The following ITSN1 variants were observed in gnomAD, a reference collection of about 807,000 sequenced individuals.
ITSN1 encodes intersectin 1.
Under a neutral mutation model 239.8 loss-of-function variants are expected in ITSN1, and 58 were observed. The ratio of observed to expected loss-of-function variants is 0.24; its 90% CI spans 0.20 to 0.30. The LOEUF is 0.30. ITSN1 is among the 10% of genes least tolerant of loss of function. ITSN1 has a pLI of 1.00. For missense variants in ITSN1, 1,558 were observed against 2,103.3 expected, an observed-to-expected ratio of 0.74 and a Z score of 5.07; for synonymous variants, 780 against 770.8, an observed-to-expected ratio of 1.01 and a Z score of -0.20.
chr21:33,788,364 T>A (rs1220733011), intron 16 of ITSN1, among the ~76,000 whole-genome samples: 3 of 152,268 alleles, frequency 2.0e-5, no homozygotes. Flanking sequence ...AGTCTTATTA[T>A]TTTGTTAAAT....
intron 1 of ITSN1, among the ~76,000 whole-genome samples, chr21:33,643,212 C>T: frequency 6.6e-6 from 1 of 151,850 alleles, no homozygotes; most frequent in Non-Finnish European, 1.5e-5. Flanking sequence ...CGGCCCCTCG[C>T]TCGCAAGCCT....
chr21:33,649,873 G>A (rs975917862), intron 1 of ITSN1, among the ~76,000 whole-genome samples: 3 of 151,870 alleles, frequency 2.0e-5, no homozygotes, highest in South Asian at 2.1e-4. Context: ...AAAATTAGGC[G>A]GGCGTGGTGG....
intron 1 of ITSN1, among the ~76,000 whole-genome samples, chr21:33,668,151 T>A (rs766048778): frequency 3.5e-4 from 53 of 152,356 alleles, no homozygotes; most frequent in Non-Finnish European, 6.5e-4. Context: ...CCAACCTCTT[T>A]ACTTGAGTCT....
chr21:33,816,475 C>T (rs945656709), intron 22 of ITSN1, among the ~76,000 whole-genome samples: 7 of 152,092 alleles, frequency 4.6e-5, no homozygotes, highest in East Asian at 1.9e-4. Flanking sequence ...ATGTGGAAAT[C>T]GAGATTCAGA....
At chr21:33,654,645 C>T (rs978042333) in intron 1 of ITSN1, among the ~76,000 whole-genome samples, 1 of 152,132 alleles carries the variant, frequency 6.6e-6, no homozygotes, top group East Asian at 1.9e-4. Flanking sequence ...AATCAGTGTT[C>T]GTTTCTTCCC....
intron 5 of ITSN1, among the ~76,000 whole-genome samples, chr21:33,746,322 G>T (rs1402234148): frequency 6.6e-6 from 1 of 152,106 alleles, no homozygotes; most frequent in Non-Finnish European, 1.5e-5. Flanking sequence ...GGAAAGTATT[G>T]TCTCACCCTC....
chr21:33,765,905 A>G lies in ITSN1; in HGVS notation c.819A>G (p.Lys273=). 1.2e-6 allele frequency: 2 copies of G among 1,614,150 alleles called. No individual in the cohort carries two copies. The highest frequency in any genetic ancestry group is 1.7e-6 in the Non-Finnish European group (2 of 1,179,990). The change falls in exon 10 of 40, where the codon AAA becomes AAG. Residue 273 remains lysine, a synonymous_variant. Coordinates refer to ENST00000381318, the MANE Select transcript of ITSN1 (RefSeq NM_003024.3). ...WNLSDIDQDG[K]LTAEEFILAM... ...TTTCTGACATTGATCAAGATGGAAA[A>G]CTTACAGCAGAGGAATTTATCCTGG...
chr21:33,864,166 T>G (rs1348881391), intron 31 of ITSN1, among the ~76,000 whole-genome samples: 2 of 152,188 alleles, frequency 1.3e-5, no homozygotes, highest in Non-Finnish European at 2.9e-5. Flanking sequence ...TTCTCCAACA[T>G]GACCATGAAA....
At position 33,828,987 on chromosome 21, in the gene ITSN1, A is replaced by G. The variant is rs1429133944; in HGVS notation, c.3230-637A>G. ...CTCCAGGTCCCTCCTGTAACGTGAA[A>G]TAAAAAGAAAGAAATTTGCCCTGCC... On this transcript the variant is annotated intron_variant, in intron 26 of 39. Coordinates refer to ENST00000381318, the MANE Select transcript of ITSN1 (RefSeq NM_003024.3). The G allele has an allele frequency of 8.5e-6, 4 of 471,584 alleles. No homozygotes were observed. In the Admixed American group the frequency reaches 9.4e-5, roughly 11 times the overall value. The allele number at this position is 471,584 out of a possible 1,614,324, so 29.2% of individuals were successfully genotyped here. A position where few individuals can be genotyped will look rare whatever the true frequency, so the allele number is the denominator to read the frequency against.
chr21:33,845,617 C>T (rs2074967696), intron 29 of ITSN1, among the ~76,000 whole-genome samples: 1 of 152,164 alleles, frequency 6.6e-6, no homozygotes, highest in Non-Finnish European at 1.5e-5. Context: ...TAGCACGGCT[C>T]AGTCGTCACC....
intron 30 of ITSN1, among the ~76,000 whole-genome samples, chr21:33,857,240 T>A (rs1392769758): frequency 6.6e-6 from 1 of 152,126 alleles, no homozygotes; most frequent in Non-Finnish European, 1.5e-5. Context: ...AGTGTTGGCA[T>A]CTGGAAATGG....
At chr21:33,677,920 G>A (rs2834246) in intron 1 of ITSN1, among the ~76,000 whole-genome samples, 73,032 of 152,030 alleles carry the variant, frequency 0.48, 18,969 homozygotes, top group Non-Finnish European at 0.58. Context: ...TCTTCTGGAC[G>A]TTGTCTTGGT....
intron 24 of ITSN1, among the ~76,000 whole-genome samples, chr21:33,820,694 A>G (rs2073615707): frequency 6.6e-6 from 1 of 152,194 alleles, no homozygotes; most frequent in Non-Finnish European, 1.5e-5. Flanking sequence ...TCCAGCATCT[A>G]ATTTTTGCTA....
At chr21:33,748,157 T>C (rs1460825543) in intron 5 of ITSN1, among the ~76,000 whole-genome samples, 1 of 152,174 alleles carries the variant, frequency 6.6e-6, no homozygotes, top group Non-Finnish European at 1.5e-5. Context: ...TTTTAATCCC[T>C]ACAACAACCA....
At chr21:33,786,209 A>G (rs146450865) in intron 16 of ITSN1, among the ~76,000 whole-genome samples, 2,012 of 152,372 alleles carry the variant, frequency 0.013, 49 homozygotes, top group African/African-American at 0.044. Context: ...GAATTAGTAC[A>G]TCTTAAAATA....
At chr21:33,704,606 G>T (rs2092163191) in intron 1 of ITSN1, among the ~76,000 whole-genome samples, 1 of 152,088 alleles carries the variant, frequency 6.6e-6, no homozygotes, top group Admixed American at 6.5e-5. Flanking sequence ...TATAGGTCAG[G>T]TGTACTTGCA....
intron 4 of ITSN1, among the ~76,000 whole-genome samples, chr21:33,730,851 G>A (rs1399715346): frequency 6.6e-6 from 1 of 151,264 alleles, no homozygotes; most frequent in African/African-American, 2.4e-5. Context: ...AGGCGCCCGC[G>A]TGCCCAGCCA....
intron 1 of ITSN1, among the ~76,000 whole-genome samples, chr21:33,717,862 C>T (rs1391676953): frequency 2.6e-5 from 4 of 152,160 alleles, no homozygotes; most frequent in African/African-American, 7.2e-5. Flanking sequence ...CCACTGCGCC[C>T]GGCCCTAAAT....
chr21:33,765,046 A>G (rs2068622990), intron 9 of ITSN1, among the ~76,000 whole-genome samples: 1 of 152,244 alleles, frequency 6.6e-6, no homozygotes, highest in East Asian at 1.9e-4. Flanking sequence ...TTGTGAAGAA[A>G]GTTTTTATCG....
Sources: allele counts gnomAD v4.1 joint callset (sites outside exome capture counted in the v4.1 genomes callset), GRCh38; gene constraint gnomAD v4.1.1; transcripts MANE v1.5; gene names NCBI Gene and HGNC (gene_info 2026-07-23, HGNC 2026-07-21).